RASGRP1: variants seen among roughly 807,000 people sequenced by gnomAD.
The protein encoded by RASGRP1 is RAS guanyl-releasing protein 1.
RASGRP1 carries 37 observed loss-of-function variants against 95.1 expected under a neutral mutation model. The observed-to-expected ratio is 0.39, with a 90% CI of 0.30 to 0.51. The LOEUF (loss-of-function observed/expected upper bound fraction) is 0.51. RASGRP1 is among the 20% of genes least tolerant of loss of function. The pLI, the probability that RASGRP1 is intolerant of heterozygous loss-of-function variation, is 0.80. For synonymous variants in RASGRP1, 325 were observed against 353.4 expected, an observed-to-expected ratio of 0.92 and a Z score of 0.90; for missense variants, 711 against 965.4, an observed-to-expected ratio of 0.74 and a Z score of 3.49.
In RASGRP1 at chr15:38,507,934, C is replaced by G; in HGVS notation, c.1034G>C (p.Gly345Ala). The change falls in exon 9 of 17, where the codon GGA (glycine) becomes GCA (alanine). Residue 345 changes from glycine to alanine, a missense_variant. Around this residue, in one of 3 missense-constraint regions of RASGRP1, gnomAD observed 491 missense variants for 676.6 expected, o/e 0.73. Coordinates refer to ENST00000310803, the MANE Select transcript of RASGRP1 (RefSeq NM_005739.4). ...GGGGATCTTGAAGTCGGTGCACTCT[C>G]CATAGGCTCGCCGGTAATTGTCGTA... is the stretch of plus-strand genomic sequence containing the variant. ...RNYDNYRRAY[G>A]ECTDFKIPIL... is the part of the protein sequence containing the mutation. 1 of 1,612,678 alleles carries G rather than the reference C, an allele frequency of 6.2e-7. No homozygotes were observed.
In RASGRP1 at chr15:38,507,757, T is replaced by C. The variant is rs1891320264; in HGVS notation, c.1211A>G (p.Glu404Gly). The stretch of plus-strand genomic sequence containing the variant: ...CAAGTGTACCAAGTCCTTGTTAGCC[T>C]CCAAGGGTGGGGCCACCTCTTGCAG... ...VQLQEVAPPL[E>G]ANKDLVHLLT... is the part of the protein sequence containing the mutation. Residue 404 changes from glutamate (E) to glycine (G), a missense_variant, in exon 9 of 17, where the codon GAG (glutamate) becomes GGG (glycine). Coordinates refer to ENST00000310803, the MANE Select transcript of RASGRP1 (RefSeq NM_005739.4). The C allele has an allele frequency of 6.3e-7, 1 of 1,585,064 alleles. No individual in the cohort carries two copies. The highest frequency in any genetic ancestry group is 1.2e-5 in the South Asian group (1 of 86,550).
In RASGRP1 at chr15:38,522,515, C is replaced by T. The variant is rs76128610; in HGVS notation, c.327-3144G>A. Among the ~76,000 whole-genome samples, 948 of 152,254 alleles carry T rather than the reference C, an allele frequency of 6.2e-3. 7 individuals are homozygous for T. The highest frequency in any genetic ancestry group is 0.021 in the African/African-American group (873 of 41,556). ...CAGAGATATGAGAAACGCACTTTGA[C>T]TTAAGCAGTACAAAACTAAAATCAA... On this transcript the variant is annotated intron_variant, in intron 3 of 16. Transcript: ENST00000310803.
intron 2 of RASGRP1, among the ~76,000 whole-genome samples, chr15:38,547,981 T>G (rs1893168850): frequency 6.6e-6 from 1 of 151,972 alleles, no homozygotes; most frequent in South Asian, 2.1e-4. Context: ...CAGGTTTTTT[T>G]TTTTTTTTTG....
At chr15:38,527,873 C>T (rs951313811) in intron 2 of RASGRP1, among the ~76,000 whole-genome samples, 7 of 151,954 alleles carry the variant, frequency 4.6e-5, no homozygotes, top group African/African-American at 1.7e-4. Context: ...GTGGGAGGAT[C>T]GCTTGAGGTC....
intron 2 of RASGRP1, among the ~76,000 whole-genome samples, chr15:38,529,491 C>G (rs1287174329): frequency 6.6e-6 from 1 of 152,172 alleles, no homozygotes; most frequent in Non-Finnish European, 1.5e-5. Context: ...TCATTTTGGT[C>G]TTAGTTTCAA....
At chr15:38,525,357 T>C (rs1892175566) in intron 3 of RASGRP1, among the ~76,000 whole-genome samples, 1 of 152,152 alleles carries the variant, frequency 6.6e-6, no homozygotes, top group Non-Finnish European at 1.5e-5. Flanking sequence ...CACTGGTACA[T>C]GAAATTAATA....
chr15:38,512,666 C>G, intron 7 of RASGRP1, 117 bp downstream of exon 7: 2 of 1,260,264 alleles, frequency 1.6e-6, no homozygotes, highest in Non-Finnish European at 2.2e-6. Flanking sequence ...CCTCTCCACC[C>G]CCTCGCCATG....
chr15:38,533,815 A>G (rs2141153244), intron 2 of RASGRP1, among the ~76,000 whole-genome samples: 1 of 152,294 alleles, frequency 6.6e-6, no homozygotes, highest in South Asian at 2.1e-4. Flanking sequence ...TTTAATGTAA[A>G]GCTCTCCTGG....
intron 16 of RASGRP1, among the ~76,000 whole-genome samples, chr15:38,491,648 G>C (rs1890589414): frequency 6.6e-6 from 1 of 151,904 alleles, no homozygotes; most frequent in East Asian, 1.9e-4. Context: ...GATTTAATTT[G>C]ACTAGTTATT....
Position 38,505,922 on chromosome 15 carries a change from T to C in RASGRP1, c.1243-2A>G. 1.2e-6 allele frequency: 2 copies of C among 1,605,510 alleles called. No homozygotes were observed. The highest frequency in any genetic ancestry group is 8.5e-7 in the Non-Finnish European group (1 of 1,174,476). On this transcript the variant is annotated splice_acceptor_variant, in intron 9 of 16. Transcript: ENST00000310803. LOFTEE classifies it high-confidence loss of function. ...AGTGTAGTAAAGATCCAGGGATAACTGCAGATCAAAGCAGAACAGGGTTCA... is the reference window on the plus strand; with the variant it reads ...AGTGTAGTAAAGATCCAGGGATAACCGCAGATCAAAGCAGAACAGGGTTCA...
chr15:38,510,086 C>T (rs1891441528), intron 8 of RASGRP1, among the ~76,000 whole-genome samples: 1 of 152,186 alleles, frequency 6.6e-6, no homozygotes, highest in Non-Finnish European at 1.5e-5. Flanking sequence ...TTTTATTCCC[C>T]TCCGAAGGTG....
At chr15:38,557,212 C>T (rs117618824) in intron 2 of RASGRP1, among the ~76,000 whole-genome samples, 1,548 of 152,302 alleles carry the variant, frequency 0.01, 15 homozygotes, top group Middle Eastern at 0.014. Flanking sequence ...ATAAAGTCTG[C>T]TGCTGATTCC....
chr15:38,527,230 C>G (rs943888406), intron 2 of RASGRP1, among the ~76,000 whole-genome samples: 5 of 152,164 alleles, frequency 3.3e-5, no homozygotes, highest in African/African-American at 4.8e-5. Context: ...AATATCAGCC[C>G]ACTCACTTGC....
chr15:38,529,492 T>A (rs181343281), intron 2 of RASGRP1, among the ~76,000 whole-genome samples: 1 of 152,350 alleles, frequency 6.6e-6, no homozygotes, highest in East Asian at 1.9e-4. Context: ...CATTTTGGTC[T>A]TAGTTTCAAT....
chr15:38,503,999 G>C (rs981489616), intron 10 of RASGRP1: 1 of 152,622 alleles, frequency 6.6e-6, no homozygotes, highest in Non-Finnish European at 1.5e-5. Context: ...CTATACAGCA[G>C]GTTATTATAC....
At chr15:38,530,156 C>A (rs1237844423) in intron 2 of RASGRP1, among the ~76,000 whole-genome samples, 2 of 152,170 alleles carry the variant, frequency 1.3e-5, no homozygotes, top group African/African-American at 4.8e-5. Flanking sequence ...TCAGCTAGTG[C>A]AGGCTGGGTG....
At chr15:38,555,822 G>A (rs368917391) in intron 2 of RASGRP1, among the ~76,000 whole-genome samples, 5 of 152,222 alleles carry the variant, frequency 3.3e-5, no homozygotes, top group Non-Finnish European at 4.4e-5. Context: ...TTCTTCCCAC[G>A]TCTCACTGGG....
In RASGRP1 at chr15:38,488,921, T is replaced by A. The variant is rs1442444446; in HGVS notation, c.*1633A>T. 6.6e-6 allele frequency: 1 copy of A among 152,030 alleles called. No homozygotes were observed. Among genetic ancestry groups the A allele is most frequent in the East Asian group, 1.9e-4 (1 of 5,200 alleles). The allele number at this position is 152,030 out of a possible 1,614,324, so 9.4% of individuals were successfully genotyped here. The stretch of plus-strand genomic sequence containing the variant: ...TTAAATTTGGAAAACGGTAAATACG[T>A]GTGTAAAACTATTCTTTATAATGTA... On this transcript the variant is annotated 3_prime_UTR_variant, in exon 17 of 17. Coordinates refer to ENST00000310803, the MANE Select transcript of RASGRP1 (RefSeq NM_005739.4).
chr15:38,506,065 T>C (rs1451132455), intron 9 of RASGRP1, 145 bp from the exon 10 acceptor site: 2 of 620,812 alleles, frequency 3.2e-6, no homozygotes, highest in Admixed American at 2.8e-5. Flanking sequence ...AAAACAGGTA[T>C]AACACCTACT....
Sources: allele counts gnomAD v4.1 joint callset (sites outside exome capture counted in the v4.1 genomes callset), GRCh38; gene constraint gnomAD v4.1.1; regional missense constraint gnomAD v4.1.1; transcripts MANE v1.5; gene names NCBI Gene and HGNC (gene_info 2026-07-23, HGNC 2026-07-21).